Variants in PDGFC observed in about 807,000 individuals in gnomAD.
PDGFC encodes the protein platelet-derived growth factor C.
A neutral mutation model predicts 35.5 loss-of-function variants in PDGFC; 12 were observed. The observed-to-expected ratio is 0.34, with a 90% CI of 0.22 to 0.55. The LOEUF (loss-of-function observed/expected upper bound fraction) is 0.55. Among genes scored for constraint, PDGFC ranks in the 20% least tolerant of loss-of-function variants. The pLI is 0.91. For synonymous variants in PDGFC, 159 were observed against 148.8 expected, an observed-to-expected ratio of 1.07 and a Z score of -0.50; for missense variants, 322 against 412.4, an observed-to-expected ratio of 0.78 and a Z score of 1.90.
chr4:156,901,720 T>C (rs189374234), intron 1 of PDGFC, among the ~76,000 whole-genome samples: 1 of 152,010 alleles, frequency 6.6e-6, no homozygotes, highest in African/African-American at 2.4e-5. Context: ...CCTCCTGGGG[T>C]CAGGTGATTC....
intron 2 of PDGFC, among the ~76,000 whole-genome samples, chr4:156,849,604 G>T (rs1471741536): frequency 6.6e-6 from 1 of 152,008 alleles, no homozygotes; most frequent in Non-Finnish European, 1.5e-5. Context: ...CTTTTGCGTG[G>T]GTGAAATACT....
intron 2 of PDGFC, among the ~76,000 whole-genome samples, chr4:156,818,792 G>A (rs1436452735): frequency 6.6e-6 from 1 of 151,934 alleles, no homozygotes; most frequent in Admixed American, 6.6e-5. Flanking sequence ...TTGAGCCACC[G>A]CACCTGGCCC....
intron 1 of PDGFC, 80 bp from the exon 2 acceptor site, chr4:156,850,496 A>ACTTG: frequency 1.4e-6 from 1 of 709,486 alleles, no homozygotes; most frequent in Non-Finnish European, 2.2e-6. Flanking sequence ...TATTATTCAC[A>ACTTG]CTTTACCTCA....
chr4:156,799,512 C>G (rs1485703681), intron 3 of PDGFC, among the ~76,000 whole-genome samples: 4 of 152,148 alleles, frequency 2.6e-5, no homozygotes, highest in Non-Finnish European at 5.9e-5. Flanking sequence ...TAAAAATGCT[C>G]TGAGTCTTTT....
At chr4:156,813,742 G>A (rs530023488) in intron 2 of PDGFC, among the ~76,000 whole-genome samples, 1 of 152,236 alleles carries the variant, frequency 6.6e-6, no homozygotes, top group African/African-American at 2.4e-5. Context: ...TTGAAAACAT[G>A]TAGGCACATT....
chr4:156,786,725 T>C (rs1215295723), intron 3 of PDGFC, among the ~76,000 whole-genome samples: 2 of 152,190 alleles, frequency 1.3e-5, no homozygotes, highest in African/African-American at 4.8e-5. Context: ...TCTTTTAGTA[T>C]AAGTATGGCC....
At chr4:156,781,421 A>G (rs1730977770) in intron 3 of PDGFC, among the ~76,000 whole-genome samples, 1 of 152,216 alleles carries the variant, frequency 6.6e-6, no homozygotes, top group South Asian at 2.1e-4. Flanking sequence ...ATTAGTAAAA[A>G]TACCAATTAC....
In PDGFC at chr4:156,850,413, ACTCCT is replaced by A; in HGVS notation, c.119-2_121del. 1 of 1,573,164 alleles carries A rather than the reference ACTCCT, an allele frequency of 6.4e-7. No homozygotes were observed. Among genetic ancestry groups the A allele is most frequent in the Non-Finnish European group, 8.7e-7 (1 of 1,155,246 alleles). On this transcript the variant is annotated splice_acceptor_variant and coding_sequence_variant, in exon 2 of 6. Transcript: ENST00000502773. LOFTEE classifies it high-confidence loss of function. Reference sequence around the variant, plus strand: ...AATTCTCTCATGCTGAGGATCTTGTACTCCTAAAGCAAAAAACATAGACATAGACA... The same window carrying A: ...AATTCTCTCATGCTGAGGATCTTGTAAAAGCAAAAAACATAGACATAGACA...
intron 1 of PDGFC, among the ~76,000 whole-genome samples, chr4:156,901,823 G>A (rs543710326): frequency 2.0e-5 from 3 of 152,056 alleles, no homozygotes; most frequent in African/African-American, 7.2e-5. Flanking sequence ...ATGTTGGCAG[G>A]CTGGTCTCAA....
At chr4:156,911,209 T>C (rs1345908010) in intron 1 of PDGFC, among the ~76,000 whole-genome samples, 1 of 152,256 alleles carries the variant, frequency 6.6e-6, no homozygotes. Context: ...AAGAATTGCA[T>C]TTTTAAAGAA....
intron 1 of PDGFC, among the ~76,000 whole-genome samples, chr4:156,890,995 G>C (rs1194724724): frequency 2.0e-5 from 3 of 151,952 alleles, no homozygotes; most frequent in Non-Finnish European, 1.5e-5. Flanking sequence ...AGGCAATTTT[G>C]TTGTTGTGTG....
At chr4:156,874,682 T>C (rs988020260) in intron 1 of PDGFC, among the ~76,000 whole-genome samples, 51 of 152,122 alleles carry the variant, frequency 3.4e-4, no homozygotes, top group African/African-American at 1.2e-3. Flanking sequence ...CCAAAAACAC[T>C]GCATTTATAA....
At chr4:156,932,060 T>G (rs1731562236) in intron 1 of PDGFC, among the ~76,000 whole-genome samples, 1 of 152,194 alleles carries the variant, frequency 6.6e-6, no homozygotes, top group Admixed American at 6.5e-5. Context: ...AGATGGATAT[T>G]TACTTACTAA....
chr4:156,930,660 G>A (rs1179486303), intron 1 of PDGFC, among the ~76,000 whole-genome samples: 1 of 152,060 alleles, frequency 6.6e-6, no homozygotes, highest in African/African-American at 2.4e-5. Flanking sequence ...CTGAAGTCAG[G>A]AGTTCAAGAC....
chr4:156,936,810 C>T (rs532386695), intron 1 of PDGFC, among the ~76,000 whole-genome samples: 1 of 152,200 alleles, frequency 6.6e-6, no homozygotes, highest in Non-Finnish European at 1.5e-5. Flanking sequence ...TTGCCTTGAA[C>T]TAAGCAGCAG....
At chr4:156,892,369 A>C (rs1730535004) in intron 1 of PDGFC, among the ~76,000 whole-genome samples, 1 of 152,178 alleles carries the variant, frequency 6.6e-6, no homozygotes, top group Admixed American at 6.5e-5. Context: ...ATACATCAAA[A>C]GCAAAATTAA....
Position 156,763,025 on chromosome 4 carries a change from G to T in PDGFC, c.*65C>A. The T allele has an allele frequency of 1.2e-6, 1 of 817,548 alleles. No homozygotes were observed. The highest frequency in any genetic ancestry group is 2.2e-6 in the Non-Finnish European group (1 of 458,936). The allele number at this position is 817,548 out of a possible 1,614,324, so 50.6% of individuals were successfully genotyped here. On this transcript the variant is annotated 3_prime_UTR_variant, in exon 6 of 6. Transcript: ENST00000502773. ...GATTAAGGATGGAGATAACGCATAC[G>T]TTCTCTAATAGAATCAGCCACTGCA...
chr4:156,794,074 C>A (rs548662789), intron 3 of PDGFC, among the ~76,000 whole-genome samples: 9 of 152,270 alleles, frequency 5.9e-5, no homozygotes, highest in African/African-American at 1.9e-4. Context: ...CCTATTCCAG[C>A]ACCTTTGACT....
intron 1 of PDGFC, among the ~76,000 whole-genome samples, chr4:156,905,495 G>A (rs7441316): frequency 0.016 from 2,493 of 152,092 alleles, 75 homozygotes; most frequent in African/African-American, 0.057. Flanking sequence ...GATTAATAAA[G>A]TTAACCCAAA....
Sources: gnomAD v4.1 joint callset for allele counts (sites outside exome capture counted in the v4.1 genomes callset) on GRCh38, gnomAD v4.1.1 for gene constraint, MANE v1.5 for transcripts, NCBI Gene and HGNC (gene_info 2026-07-23, HGNC 2026-07-21) for gene names.